Variants in PDE7B observed in about 807,000 individuals in gnomAD.
PDE7B encodes phosphodiesterase 7B, also known as 3',5'-cyclic-AMP phosphodiesterase 7B.
Under a neutral mutation model 56.2 loss-of-function variants are expected in PDE7B, and 29 were observed. The observed-to-expected ratio is 0.52, with a 90% CI of 0.38 to 0.70. The LOEUF (loss-of-function observed/expected upper bound fraction) is 0.70. PDE7B is among the 30% of genes least tolerant of loss of function. The pLI, the probability that PDE7B is intolerant of heterozygous loss-of-function variation, is 0.00. For synonymous variants in PDE7B, 197 were observed against 196.9 expected (o/e 1.00, Z 0.00); for missense variants, 490 against 565.0 (o/e 0.87, Z 1.35).
chr6:136,029,594 A>G (rs1024646580), intron 2 of PDE7B, among the ~76,000 whole-genome samples: 3 of 152,242 alleles, frequency 2.0e-5, no homozygotes, highest in Non-Finnish European at 4.4e-5. Context: ...CCAGAGGTCC[A>G]AATAAGCAAA....
chr6:135,929,171 A>G (rs540298025), intron 1 of PDE7B, among the ~76,000 whole-genome samples: 1 of 152,302 alleles, frequency 6.6e-6, no homozygotes, highest in Non-Finnish European at 1.5e-5. Context: ...TTTTTGTTCA[A>G]TACATGGTAA....
intron 2 of PDE7B, among the ~76,000 whole-genome samples, chr6:136,014,811 C>G (rs1775949626): frequency 6.6e-6 from 1 of 152,166 alleles, no homozygotes; most frequent in Non-Finnish European, 1.5e-5. Context: ...ATGCGTAAAA[C>G]ACATTGGCCC....
chr6:136,145,458 C>CT (rs1778398649), intron 3 of PDE7B, among the ~76,000 whole-genome samples: 1 of 152,136 alleles, frequency 6.6e-6, no homozygotes, highest in Non-Finnish European at 1.5e-5. Context: ...CAAGATAAAT[C>CT]TGGTTCCTAT....
intron 2 of PDE7B, among the ~76,000 whole-genome samples, chr6:136,008,320 A>C (rs909821477): frequency 2.0e-5 from 3 of 152,178 alleles, no homozygotes; most frequent in African/African-American, 7.2e-5. Flanking sequence ...TTATAGCAGC[A>C]TGTCTTATAA....
At chr6:136,125,880 C>T (rs1778015352) in intron 3 of PDE7B, among the ~76,000 whole-genome samples, 1 of 152,152 alleles carries the variant, frequency 6.6e-6, no homozygotes, top group African/African-American at 2.4e-5. Context: ...AGACCCAATG[C>T]CTCCTTTTTA....
At chr6:135,940,648 G>C (rs1034915556) in intron 1 of PDE7B, among the ~76,000 whole-genome samples, 6 of 152,156 alleles carry the variant, frequency 3.9e-5, no homozygotes, top group Admixed American at 1.3e-4. Context: ...GTACCATTCA[G>C]TTCTTGGTTG....
At chr6:136,186,979 T>A (rs1289951885) in intron 11 of PDE7B, 57 bp from the exon 12 acceptor site, 36 of 874,618 alleles carry the variant, frequency 4.1e-5, no homozygotes, top group Non-Finnish European at 6.5e-5. Flanking sequence ...TTATTAATAC[T>A]CATTTTATAA....
chr6:136,138,562 G>C (rs1488174941), intron 3 of PDE7B, among the ~76,000 whole-genome samples: 1 of 152,052 alleles, frequency 6.6e-6, no homozygotes, highest in Non-Finnish European at 1.5e-5. Flanking sequence ...AAGCTACCTT[G>C]AGGATTTTTT....
intron 1 of PDE7B, among the ~76,000 whole-genome samples, chr6:135,914,996 A>C (rs964621531): frequency 2.6e-5 from 4 of 151,810 alleles, no homozygotes; most frequent in Admixed American, 2.0e-4. Flanking sequence ...GGGAGGCTAA[A>C]GCAGGAGAAT....
chr6:136,123,898 A>G (rs1385748642), intron 3 of PDE7B, among the ~76,000 whole-genome samples: 1 of 152,190 alleles, frequency 6.6e-6, no homozygotes, highest in African/African-American at 2.4e-5. Context: ...GAAATGACTA[A>G]TAGAGTAATA....
chr6:135,915,206 G>C (rs1293092353), intron 1 of PDE7B, among the ~76,000 whole-genome samples: 1 of 152,098 alleles, frequency 6.6e-6, no homozygotes, highest in Non-Finnish European at 1.5e-5. Context: ...CCAGTTGACG[G>C]ACATTTGGAG....
intron 2 of PDE7B, among the ~76,000 whole-genome samples, chr6:136,015,492 T>C (rs974526446): frequency 6.6e-6 from 1 of 152,154 alleles, no homozygotes; most frequent in Admixed American, 6.5e-5. Flanking sequence ...TTTGAAAAGG[T>C]GGAGCCCAAA....
intron 3 of PDE7B, among the ~76,000 whole-genome samples, chr6:136,129,136 C>CT (rs1778073423): frequency 6.6e-6 from 1 of 152,244 alleles, no homozygotes. Context: ...TCATTTCAAT[C>CT]TTTTACCTAA....
At chr6:135,913,943 A>G (rs567641496) in intron 1 of PDE7B, among the ~76,000 whole-genome samples, 1 of 152,182 alleles carries the variant, frequency 6.6e-6, no homozygotes, top group Non-Finnish European at 1.5e-5. Context: ...TGTAACCCAC[A>G]CATCACTGAC....
At chr6:136,111,857 TG>T (rs749376039) in intron 3 of PDE7B, among the ~76,000 whole-genome samples, 2 of 152,226 alleles carry the variant, frequency 1.3e-5, no homozygotes, top group South Asian at 4.1e-4. Flanking sequence ...TTTCCCAGTG[TG>T]GGCACAGACC....
At chr6:136,020,445 C>T (rs565222026) in intron 2 of PDE7B, among the ~76,000 whole-genome samples, 3 of 152,216 alleles carry the variant, frequency 2.0e-5, no homozygotes, top group Admixed American at 6.5e-5. Flanking sequence ...CCACTTAATA[C>T]ATTGAAATAT....
At chr6:136,075,411 T>C (rs987917849) in intron 2 of PDE7B, among the ~76,000 whole-genome samples, 6 of 152,140 alleles carry the variant, frequency 3.9e-5, no homozygotes, top group South Asian at 4.1e-4. Context: ...GACTTCTCTT[T>C]GTACGTAATG....
intron 1 of PDE7B, among the ~76,000 whole-genome samples, chr6:135,926,097 G>A (rs1774180111): frequency 1.1e-5 from 1 of 92,184 alleles, no homozygotes; most frequent in Non-Finnish European, 2.4e-5. Context: ...GGGGGGGGGG[G>A]GGGAGGGGGG....
chr6:136,029,481 G>A (rs9402786), intron 2 of PDE7B, among the ~76,000 whole-genome samples: 54,440 of 151,958 alleles, frequency 0.36, 10,019 homozygotes, highest in East Asian at 0.54. Flanking sequence ...GAATGTTAAC[G>A]TCAAATGCAA....
Sources: allele counts gnomAD v4.1 joint callset (sites outside exome capture counted in the v4.1 genomes callset), GRCh38; gene constraint gnomAD v4.1.1; transcripts MANE v1.5; gene names NCBI Gene and HGNC (gene_info 2026-07-23, HGNC 2026-07-21).